The following CHCHD3 variants were observed in gnomAD, a reference collection of about 807,000 sequenced individuals.
CHCHD3 encodes the protein coiled-coil-helix-coiled-coil-helix domain containing 3, also known as MICOS complex subunit MIC19.
Under a neutral mutation model 38.2 loss-of-function variants are expected in CHCHD3, and 20 were observed. The observed-to-expected ratio is 0.52, with a 90% CI of 0.37 to 0.76. The LOEUF is 0.76. CHCHD3 is among the 30% of genes least tolerant of loss of function. CHCHD3 has a pLI of 0.00. For synonymous variants in CHCHD3, 82 were observed against 100.0 expected (o/e 0.82, Z 1.07); for missense variants, 245 against 279.2 (o/e 0.88, Z 0.87).
At chr7:132,921,793 C>G (rs1014272969) in intron 4 of CHCHD3, among the ~76,000 whole-genome samples, 1 of 152,204 alleles carries the variant, frequency 6.6e-6, no homozygotes. Context: ...CTTATCACCA[C>G]GTCTCAGAGG....
At chr7:133,022,544 C>T (rs1413180703) in intron 3 of CHCHD3, 1 of 455,352 alleles carries the variant, frequency 2.2e-6, no homozygotes. Flanking sequence ...CTCCTAAGAA[C>T]TATCATATAG....
intron 2 of CHCHD3, among the ~76,000 whole-genome samples, chr7:133,066,570 T>C (rs922590104): frequency 6.6e-6 from 1 of 152,026 alleles, no homozygotes; most frequent in Non-Finnish European, 1.5e-5. Flanking sequence ...GATGGCATTC[T>C]AAGAGCTTTC....
chr7:132,974,147 G>T, intron 4 of CHCHD3: 2 of 590,218 alleles, frequency 3.4e-6, no homozygotes, highest in Non-Finnish European at 2.5e-6. Context: ...ATGTTCATGA[G>T]GCTTAACACC....
intron 4 of CHCHD3, among the ~76,000 whole-genome samples, chr7:132,942,758 T>G (rs961437870): frequency 2.0e-5 from 3 of 152,178 alleles, no homozygotes; most frequent in Admixed American, 6.5e-5. Flanking sequence ...AAATGTCCTC[T>G]GAAAAAGCAC....
intron 5 of CHCHD3, among the ~76,000 whole-genome samples, chr7:132,841,150 G>A (rs1258034141): frequency 6.6e-6 from 1 of 152,122 alleles, no homozygotes; most frequent in Non-Finnish European, 1.5e-5. Context: ...TGTAGACAGT[G>A]TTTAATTCAT....
In CHCHD3 at chr7:132,989,400, GAA is replaced by G. The variant is rs5887604; in HGVS notation, c.252-14116_252-14115del. Among the ~76,000 whole-genome samples, 17 of 142,346 alleles carry G rather than the reference GAA, an allele frequency of 1.2e-4. 1 individual carries two copies. The highest frequency in any genetic ancestry group is 4.4e-4 in the South Asian group (2 of 4,518). The allele number at this position is 142,346 out of a possible 152,430, so 93.4% of individuals were successfully genotyped here. On this transcript the variant is annotated intron_variant, in intron 3 of 7. Transcript: ENST00000262570. ...TGCATAGCTTCAAAATGATGCAAGA[GAA>G]AAAAAAAAAACTCAGCCCATAACTG...
Position 133,035,742 on chromosome 7 carries a change from G to T in CHCHD3, c.170-11115C>A. Reference sequence around the variant, plus strand: ...ACAGAATCCATCATCACCCTCAAATGCTGGGACCTTGCCGGCAGGAAATTT... The same window carrying T: ...ACAGAATCCATCATCACCCTCAAATTCTGGGACCTTGCCGGCAGGAAATTT... On this transcript the variant is annotated intron_variant, in intron 2 of 7. Coordinates refer to ENST00000262570, the MANE Select transcript of CHCHD3 (RefSeq NM_017812.4). The surrounding 1 kb of genome is among the most constrained non-coding windows in gnomAD (Gnocchi z 4.7). 1 of 1,613,346 alleles carries T rather than the reference G, an allele frequency of 6.2e-7. No individual in the cohort carries two copies. Among genetic ancestry groups the T allele is most frequent in the Non-Finnish European group, 8.5e-7 (1 of 1,179,410 alleles).
chr7:132,907,729 G>A (rs988608487), intron 4 of CHCHD3, among the ~76,000 whole-genome samples: 7 of 152,156 alleles, frequency 4.6e-5, no homozygotes, highest in African/African-American at 1.7e-4. Context: ...ATTAATCTTG[G>A]TATGTAGGAT....
At chr7:133,064,578 A>G (rs905069617) in intron 2 of CHCHD3, among the ~76,000 whole-genome samples, 35 of 152,170 alleles carry the variant, frequency 2.3e-4, no homozygotes, top group African/African-American at 8.4e-4. Context: ...AATACACAGA[A>G]CTTATACATG....
chr7:132,879,471 T>A (rs1160981936), intron 5 of CHCHD3, among the ~76,000 whole-genome samples: 2 of 151,920 alleles, frequency 1.3e-5, no homozygotes, highest in Admixed American at 1.3e-4. Flanking sequence ...AATGGAGAAG[T>A]TATACATGCA....
In CHCHD3 at chr7:132,996,707, T is replaced by C. The variant is rs189179344; in HGVS notation, c.252-21421A>G. Among the ~76,000 whole-genome samples the C allele has an allele frequency of 9.3e-4, 141 of 152,206 alleles. 1 individual carries two copies. The highest frequency in any genetic ancestry group is 3.5e-3 in the East Asian group (18 of 5,168). ...GCCCTGTCGCTAATCAGCAACCTAA[T>C]GTGGAAGAGATAAGCAAAGGGAAGA... On this transcript the variant is annotated intron_variant, in intron 3 of 7. Transcript: ENST00000262570.
At chr7:132,919,471 G>A (rs1810206222) in intron 4 of CHCHD3, among the ~76,000 whole-genome samples, 1 of 152,076 alleles carries the variant, frequency 6.6e-6, no homozygotes, top group Admixed American at 6.6e-5. Context: ...TGACCAAATA[G>A]TAATCTACGA....
chr7:133,015,554 TGTTA>T (rs907548601), intron 3 of CHCHD3, among the ~76,000 whole-genome samples: 1 of 152,154 alleles, frequency 6.6e-6, no homozygotes, highest in African/African-American at 2.4e-5. Context: ...CTAAGAGACC[TGTTA>T]TTTACTAAAG....
At chr7:132,976,024 C>T (rs896003334) in intron 3 of CHCHD3, among the ~76,000 whole-genome samples, 1 of 151,920 alleles carries the variant, frequency 6.6e-6, no homozygotes, top group Admixed American at 6.6e-5. Context: ...TGAATGCACA[C>T]CAGGCACTGT....
chr7:132,951,477 T>G (rs995075939), intron 4 of CHCHD3, among the ~76,000 whole-genome samples: 1 of 152,192 alleles, frequency 6.6e-6, no homozygotes, highest in Non-Finnish European at 1.5e-5. Flanking sequence ...GGGAAACACA[T>G]ATACGAAGCC....
At chr7:133,049,609 C>T (rs544747471) in intron 2 of CHCHD3, among the ~76,000 whole-genome samples, 6 of 152,268 alleles carry the variant, frequency 3.9e-5, no homozygotes, top group Admixed American at 1.3e-4. Flanking sequence ...ATAATTTATA[C>T]ACACTATGAA....
At chr7:132,823,410 T>C (rs759436211) in intron 6 of CHCHD3, among the ~76,000 whole-genome samples, 56 of 152,144 alleles carry the variant, frequency 3.7e-4, no homozygotes, top group Non-Finnish European at 7.1e-4. Context: ...ACAAGAATAA[T>C]AAAATATAAC....
At chr7:132,986,433 A>G (rs1425856285) in intron 3 of CHCHD3, among the ~76,000 whole-genome samples, 2 of 151,858 alleles carry the variant, frequency 1.3e-5, no homozygotes, top group African/African-American at 4.8e-5. Context: ...AGAAAAAAAA[A>G]AAAAAAGAAA....
chr7:133,015,646 C>A (rs923688827), intron 3 of CHCHD3, among the ~76,000 whole-genome samples: 26 of 152,142 alleles, frequency 1.7e-4, no homozygotes, highest in Non-Finnish European at 2.9e-4. Context: ...AGAAGGTATT[C>A]CCTGTCCACA....
Sources: gnomAD v4.1 joint callset for allele counts (sites outside exome capture counted in the v4.1 genomes callset) on GRCh38, gnomAD v4.1.1 for gene constraint, Gnocchi (gnomAD v3.1) non-coding constraint, MANE v1.5 for transcripts, NCBI Gene and HGNC (gene_info 2026-07-23, HGNC 2026-07-21) for gene names.